CIZ1: variants seen among roughly 807,000 people sequenced by gnomAD.
The protein encoded by CIZ1 is cip1-interacting zinc finger protein.
In CIZ1, 58 loss-of-function variants were observed where a neutral mutation model predicts 118.6. The ratio of observed to expected loss-of-function variants is 0.49; its 90% confidence interval spans 0.40 to 0.61. The LOEUF is 0.61. Ranked by LOEUF, CIZ1 falls within the 20% of genes least tolerant of loss-of-function variation. CIZ1 has a pLI of 0.00. For synonymous variants in CIZ1, 448 were observed against 443.4 expected, an observed-to-expected ratio of 1.01 and a Z score of -0.13; for missense variants, 921 against 1,115.9, an observed-to-expected ratio of 0.83 and a Z score of 2.49.
chr9:128,180,272 C>T, intron 7 of CIZ1, 143 bp downstream of exon 7: 1 of 636,900 alleles, frequency 1.6e-6, no homozygotes. Flanking sequence ...TAAGTAAGGC[C>T]TTCCTCCAAA....
At chr9:128,188,239 G>T (rs1832688513) in intron 3 of CIZ1, among the ~76,000 whole-genome samples, 1 of 151,822 alleles carries the variant, frequency 6.6e-6, no homozygotes, top group South Asian at 2.1e-4. Flanking sequence ...CAAATCCTAT[G>T]GTAAACGATC....
chr9:128,178,478 G>C lies in CIZ1; in HGVS notation c.1511C>G (p.Thr504Ser). The change falls in exon 9 of 17, where the codon ACC becomes AGC. Residue 504 changes from threonine to serine, a missense_variant. Transcript: ENST00000372938. ...AVEAGGGMEK[T>S]LPEPVGTQVS... The stretch of plus-strand genomic sequence containing the variant: ...TTGGGTGCCCACAGGCTCTGGCAAG[G>C]TCTTTTCCATGCCTGAAATGACAGA... 1 of 1,614,196 alleles carries C rather than the reference G, an allele frequency of 6.2e-7. No individual in the cohort carries two copies. Among genetic ancestry groups the C allele is most frequent in the Non-Finnish European group, 8.5e-7 (1 of 1,180,024 alleles).
intron 11 of CIZ1, among the ~76,000 whole-genome samples, chr9:128,171,350 G>C (rs967202844): frequency 3.3e-5 from 5 of 152,078 alleles, no homozygotes; most frequent in African/African-American, 1.2e-4. Context: ...AATTCCTTGA[G>C]CCCAGGAGGT....
At chr9:128,180,612 CCCA>C in intron 6 of CIZ1, 89 bp from the exon 7 acceptor site, 1 of 1,381,632 alleles carries the variant, frequency 7.2e-7, no homozygotes, top group Non-Finnish European at 1.0e-6. Flanking sequence ...TCCCCGCCTT[CCCA>C]CCAAGAACCC....
At position 128,203,408 on chromosome 9, in the gene CIZ1, C is replaced by A; in HGVS notation, c.-6+778G>T. 7.4e-7 allele frequency: 1 copy of A among 1,349,302 alleles called. No individual in the cohort carries two copies. The highest frequency in any genetic ancestry group is 1.7e-5 in the South Asian group (1 of 59,022). 83.6% of individuals were successfully genotyped at this position (1,349,302 alleles called of 1,614,324 possible). A position where few individuals can be genotyped will look rare whatever the true frequency, so the allele number is the denominator to read the frequency against. ...TGGGCGCGCGGCTGCAGCGGCGGAG[C>A]CGGAGTCGGAGCCGGGAGCGCTAGC... On this transcript the variant is annotated intron_variant, in intron 1 of 17. Coordinates refer to the CIZ1 transcript ENST00000372948. The surrounding 1 kb of genome is among the most constrained non-coding windows in gnomAD (Gnocchi z 5.3).
chr9:128,201,696 A>G (rs1833524840), intron 1 of CIZ1, among the ~76,000 whole-genome samples: 1 of 152,220 alleles, frequency 6.6e-6, no homozygotes, highest in Non-Finnish European at 1.5e-5. Context: ...TCACAGCTGC[A>G]GCTTAATAAG....
At position 128,166,478 on chromosome 9, in the gene CIZ1, C is replaced by T. The variant is rs1829438603; in HGVS notation, c.2488-72G>A. On this transcript the variant is annotated intron_variant, in intron 16 of 16. Transcript: ENST00000372938. The surrounding 1 kb of genome is among the most constrained non-coding windows in gnomAD (Gnocchi z 4.4). ...GTATGCTCCTGGCCAGCAGCTACTT[C>T]CCCAGCTCTGGCTGAGACAGTATTA... 2 of 1,241,138 alleles carry T rather than the reference C, an allele frequency of 1.6e-6. No homozygotes were observed. Among genetic ancestry groups the T allele is most frequent in the African/African-American group, 1.5e-5 (1 of 66,016 alleles). 76.9% of individuals were successfully genotyped at this position (1,241,138 alleles called of 1,614,324 possible). A position where few individuals can be genotyped will look rare whatever the true frequency, so the allele number is the denominator to read the frequency against.
At chr9:128,181,916 G>A (rs1249989699) in intron 5 of CIZ1, among the ~76,000 whole-genome samples, 3 of 152,204 alleles carry the variant, frequency 2.0e-5, no homozygotes, top group East Asian at 1.9e-4. Context: ...CAGTGGTCAC[G>A]CTCCTAGTCT....
chr9:128,181,755 C>T (rs1370891132), intron 5 of CIZ1, among the ~76,000 whole-genome samples: 1 of 129,798 alleles, frequency 7.7e-6, no homozygotes, highest in African/African-American at 3.3e-5. Context: ...CTTAGCAGAC[C>T]AGGAAAGGCG....
upstream of CIZ1, among the ~76,000 whole-genome samples, chr9:128,194,167 G>T (rs1025050458): frequency 2.5e-4 from 38 of 152,110 alleles, no homozygotes; most frequent in Admixed American, 2.5e-3. Flanking sequence ...TTCAAGACCA[G>T]CCTGGCCAAC....
At chr9:128,167,971 G>A (rs1428044392) in intron 14 of CIZ1, among the ~76,000 whole-genome samples, 1 of 152,176 alleles carries the variant, frequency 6.6e-6, no homozygotes, top group East Asian at 1.9e-4. Context: ...TGTGACTACT[G>A]AGCAATGAAG....
chr9:128,186,282 G>C (rs1166328346), intron 4 of CIZ1, among the ~76,000 whole-genome samples: 15 of 152,062 alleles, frequency 9.9e-5, no homozygotes, highest in Admixed American at 9.8e-4. Context: ...TGACAAAACG[G>C]AGACAGAGTG....
chr9:128,180,142 C>T (rs1028389642), intron 7 of CIZ1, among the ~76,000 whole-genome samples: 15 of 152,296 alleles, frequency 9.8e-5, no homozygotes, highest in African/African-American at 2.9e-4. Context: ...CTGCCCACTA[C>T]GGTCCCAGAT....
Position 128,190,405 on chromosome 9 carries a change from A to G in CIZ1, c.210T>C (p.Asn70=). The change falls in exon 3 of 17, where the codon AAT becomes AAC. Residue 70 remains asparagine, a synonymous_variant. Transcript: ENST00000372938. The stretch of plus-strand genomic sequence containing the variant: ...GGGAGGCTGAGTTGGTGCCCTGGAG[A>G]TTCAGAAGCGGCTGCTGTGGCTGCT... The part of the protein sequence containing the change: ...PPQQPQQPLL[N]LQGTNSASLL... 6.2e-7 allele frequency: 1 copy of G among 1,613,902 alleles called. No individual in the cohort carries two copies. Among genetic ancestry groups the G allele is most frequent in the Non-Finnish European group, 8.5e-7 (1 of 1,179,870 alleles).
At chr9:128,190,981 G>A in intron 1 of CIZ1, 119 bp from the exon 2 acceptor site, 2 of 1,363,654 alleles carry the variant, frequency 1.5e-6, no homozygotes, top group Admixed American at 5.5e-5. Flanking sequence ...GAGCTTCACA[G>A]CTGCATTCCC....
rs751886503 is a variant in CIZ1 at position 128,166,863 on chromosome 9, G to T, written c.2383C>A (p.Pro795Thr). ...NTAYGVDFLV[P>T]VMGYICRICH... ...ATGCGGCAGATATAGCCCATCACGGGCACCAGGAAGTCCACACCTGTAGGA... is the reference window on the plus strand; with the variant it reads ...ATGCGGCAGATATAGCCCATCACGGTCACCAGGAAGTCCACACCTGTAGGA... The change falls in exon 16 of 17, where the codon CCC becomes ACC. Residue 795 changes from proline to threonine, a missense_variant. Physicochemically the swap from Pro to Thr is conservative, Grantham distance 38 (BLOSUM62 -1). Transcript: ENST00000372938. The surrounding 1 kb of genome is among the most constrained non-coding windows in gnomAD (Gnocchi z 4.4). 2.5e-6 allele frequency: 4 copies of T among 1,614,106 alleles called. No individual in the cohort carries two copies. Among genetic ancestry groups the T allele is most frequent in the Non-Finnish European group, 2.5e-6 (3 of 1,180,040 alleles).
At chr9:128,174,512 G>T (rs1416022829) in intron 11 of CIZ1, among the ~76,000 whole-genome samples, 1 of 152,060 alleles carries the variant, frequency 6.6e-6, no homozygotes, top group African/African-American at 2.4e-5. Flanking sequence ...GTTCCTTTTT[G>T]CTCAAGCTAA....
Position 128,190,724 on chromosome 9 carries a change from G to A in CIZ1, c.134C>T (p.Ser45Phe). The A allele has an allele frequency of 6.4e-7, 1 of 1,550,890 alleles. No individual in the cohort carries two copies. The highest frequency in any genetic ancestry group is 8.7e-7 in the Non-Finnish European group (1 of 1,148,706). ...LLQLQQLLQQ[S>F]PPQAPLPMAV... ...CATGGGCAACGGGGCCTGTGGTGGG[G>A]ACTGCTGGAGCAGCTGCTGGAGCTG... is the stretch of plus-strand genomic sequence containing the variant. Residue 45 changes from serine to phenylalanine, a missense_variant, in exon 2 of 17, where the codon TCC (serine) becomes TTC (phenylalanine). By Grantham distance (155) the Ser-to-Phe change is radical (BLOSUM62 -2). Coordinates refer to ENST00000372938, the MANE Select transcript of CIZ1 (RefSeq NM_001131016.2).
chr9:128,180,575 C>T (rs771660295), intron 6 of CIZ1, 52 bp from the exon 7 acceptor site: 2 of 1,525,992 alleles, frequency 1.3e-6, no homozygotes, highest in Non-Finnish European at 1.8e-6. Flanking sequence ...GCAAGCATCT[C>T]TGACCTCCAA....
Sources: gnomAD v4.1 joint callset for allele counts (sites outside exome capture counted in the v4.1 genomes callset) on GRCh38, gnomAD v4.1.1 for gene constraint, Gnocchi (gnomAD v3.1) non-coding constraint, MANE v1.5 for transcripts, NCBI Gene and HGNC (gene_info 2026-07-23, HGNC 2026-07-21) for gene names.